The following SLC38A9 variants were observed in gnomAD, a reference collection of about 807,000 sequenced individuals.
SLC38A9 encodes the protein neutral amino acid transporter 9.
In SLC38A9, 48 loss-of-function variants were observed where a neutral mutation model predicts 62.3. The ratio of observed to expected loss-of-function variants is 0.77; its 90% CI spans 0.61 to 0.98. SLC38A9 has a LOEUF of 0.98. Among genes scored for constraint, SLC38A9 ranks in the 50% least tolerant of loss-of-function variants. The pLI is 0.00. For synonymous variants in SLC38A9, 204 were observed against 227.7 expected, an observed-to-expected ratio of 0.90 and a Z score of 0.94; for missense variants, 541 against 679.8, an observed-to-expected ratio of 0.80 and a Z score of 2.27.
intron 3 of SLC38A9, among the ~76,000 whole-genome samples, chr5:55,689,428 A>C (rs890834806): frequency 2.0e-5 from 3 of 152,210 alleles, no homozygotes; most frequent in African/African-American, 7.2e-5. Context: ...CTGGCATTTC[A>C]TGTGCCTCCA....
chr5:55,664,037 A>C (rs1750054138), intron 8 of SLC38A9, among the ~76,000 whole-genome samples: 1 of 151,954 alleles, frequency 6.6e-6, no homozygotes, highest in Admixed American at 6.6e-5. Context: ...AGCTCGGTAC[A>C]GTGGCGTGAG....
At chr5:55,674,434 G>A (rs979157356) in intron 3 of SLC38A9, among the ~76,000 whole-genome samples, 5 of 152,140 alleles carry the variant, frequency 3.3e-5, no homozygotes, top group Admixed American at 6.6e-5. Context: ...GATTAATGAC[G>A]TTATCTTGGG....
intron 12 of SLC38A9, among the ~76,000 whole-genome samples, chr5:55,640,990 C>T (rs931694104): frequency 6.6e-6 from 1 of 152,124 alleles, no homozygotes; most frequent in Non-Finnish European, 1.5e-5. Flanking sequence ...GCATGTGCCA[C>T]CACGCCCAGC....
rs1753735435 is a variant in SLC38A9 at position 55,685,945 on chromosome 5, C to T, written c.113+11901G>A. Among the ~76,000 whole-genome samples the T allele has an allele frequency of 1.3e-5, 2 of 152,246 alleles. 1 individual carries two copies. Among genetic ancestry groups the T allele is most frequent in the South Asian group, 4.1e-4 (2 of 4,824 alleles). ...AACGGCCTCTAGCTTCATCCATGTC[C>T]CTGCAAAAGACATGATCTCATTCTT... is the stretch of plus-strand genomic sequence containing the variant. On this transcript the variant is annotated intron_variant, in intron 3 of 15. Coordinates refer to ENST00000396865, the MANE Select transcript of SLC38A9 (RefSeq NM_173514.4).
At chr5:55,634,132 A>G (rs936016656) in intron 13 of SLC38A9, 84 of 361,132 alleles carry the variant, frequency 2.3e-4, no homozygotes, top group Non-Finnish European at 3.6e-4. Flanking sequence ...ATTTTATTCT[A>G]TTTTACAAAA....
At chr5:55,709,853 T>G (rs187134552) in intron 2 of SLC38A9, among the ~76,000 whole-genome samples, 473 of 151,514 alleles carry the variant, frequency 3.1e-3, no homozygotes, top group Non-Finnish European at 4.5e-3. Flanking sequence ...GATCAAGAGG[T>G]CAGGAGATCA....
intron 13 of SLC38A9, chr5:55,634,850 GAA>G (rs148309267): frequency 0.042 from 6,423 of 152,158 alleles, 219 homozygotes; most frequent in African/African-American, 0.091. Context: ...TTTTTTGTGA[GAA>G]ACTCTTCAGT....
intron 12 of SLC38A9, among the ~76,000 whole-genome samples, chr5:55,645,103 C>T (rs1271908700): frequency 1.3e-5 from 2 of 152,084 alleles, no homozygotes; most frequent in Non-Finnish European, 2.9e-5. Context: ...CTCTGTTGAC[C>T]GGGCTAGAGT....
chr5:55,650,167 C>T (rs2408025), intron 10 of SLC38A9, among the ~76,000 whole-genome samples: 90,348 of 151,796 alleles, frequency 0.6, 27,554 homozygotes, highest in South Asian at 0.7. Context: ...GAGGTTTTGA[C>T]TGGGTAGCAC....
In SLC38A9 at chr5:55,710,202, C is replaced by CT. The variant is rs34035874; in HGVS notation, c.-35+1249dup. 6.5e-3 allele frequency among the ~76,000 whole-genome samples: 909 copies of CT among 139,184 alleles called. 6 individuals carry two copies. The highest frequency in any genetic ancestry group is 0.014 in the African/African-American group (545 of 37,628). 91.3% of individuals were successfully genotyped at this position (139,184 alleles called of 152,430 possible). A position where few individuals can be genotyped will look rare whatever the true frequency, so the allele number is the denominator to read the frequency against. ...AACAAAGCAACTATATAGGTGACAACTTTTTTTTTTTTTTTTTTAAGACAG... is the reference window on the plus strand; with the variant it reads ...AACAAAGCAACTATATAGGTGACAACTTTTTTTTTTTTTTTTTTTAAGACAG... On this transcript the variant is annotated intron_variant, in intron 2 of 15. Coordinates refer to ENST00000396865, the MANE Select transcript of SLC38A9 (RefSeq NM_173514.4).
intron 2 of SLC38A9, among the ~76,000 whole-genome samples, chr5:55,710,719 G>A (rs533817797): frequency 1.3e-5 from 2 of 151,344 alleles, no homozygotes; most frequent in African/African-American, 4.9e-5. Context: ...GGGTTCAAGC[G>A]ATTCTCCTGC....
chr5:55,669,436 AATATAACC>A, intron 6 of SLC38A9, 113 bp downstream of exon 6: 1 of 1,293,946 alleles, frequency 7.7e-7, no homozygotes, highest in African/African-American at 1.5e-5. Context: ...TGAAAAACTA[AATATAACC>A]ATCTATTTTC....
At chr5:55,643,452 T>C (rs1449569967) in intron 12 of SLC38A9, among the ~76,000 whole-genome samples, 6 of 152,214 alleles carry the variant, frequency 3.9e-5, no homozygotes, top group Non-Finnish European at 7.3e-5. Context: ...TGACCCAGCA[T>C]ATGGTCTATC....
chr5:55,687,795 T>C (rs1325723781), intron 3 of SLC38A9, among the ~76,000 whole-genome samples: 1 of 152,060 alleles, frequency 6.6e-6, no homozygotes, highest in Non-Finnish European at 1.5e-5. Context: ...GCCTCTTGGG[T>C]TCAAGAGATT....
intron 12 of SLC38A9, among the ~76,000 whole-genome samples, chr5:55,639,272 T>TTAAAAAAAAA (rs1391586466): frequency 5.5e-5 from 3 of 54,648 alleles, no homozygotes; most frequent in African/African-American, 2.1e-4. Flanking sequence ...AAACTCTGTC[T>TTAAAAAAAAA]AAAAAAAAAA....
chr5:55,642,488 A>G (rs1471079162), intron 12 of SLC38A9, among the ~76,000 whole-genome samples: 4 of 152,170 alleles, frequency 2.6e-5, no homozygotes, highest in African/African-American at 9.7e-5. Flanking sequence ...GTTATTAGGG[A>G]GACTTTGGTG....
At chr5:55,662,799 T>C (rs983628886) in intron 8 of SLC38A9, among the ~76,000 whole-genome samples, 7 of 151,792 alleles carry the variant, frequency 4.6e-5, no homozygotes, top group Non-Finnish European at 8.8e-5. Flanking sequence ...GAAAATGAGA[T>C]TGAGAAGGAG....
At chr5:55,665,223 T>C (rs1750262602) in intron 7 of SLC38A9, 2 of 155,044 alleles carry the variant, frequency 1.3e-5, no homozygotes, top group Admixed American at 6.5e-5. Context: ...TCACACTTTC[T>C]ACCACATGCC....
At chr5:55,688,571 G>C (rs1481287068) in intron 3 of SLC38A9, among the ~76,000 whole-genome samples, 2 of 151,182 alleles carry the variant, frequency 1.3e-5, no homozygotes, top group African/African-American at 2.4e-5. Flanking sequence ...TAGTAGAGAC[G>C]GGGTTTCACT....
Sources: gnomAD v4.1 joint callset for allele counts (sites outside exome capture counted in the v4.1 genomes callset) on GRCh38, gnomAD v4.1.1 for gene constraint, MANE v1.5 for transcripts, NCBI Gene and HGNC (gene_info 2026-07-23, HGNC 2026-07-21) for gene names.